STXBP5L: variants seen among roughly 807,000 people sequenced by gnomAD.
STXBP5L encodes syntaxin-binding protein 5-like.
In STXBP5L, 65 loss-of-function variants were observed where a neutral mutation model predicts 144.5. That is an observed-to-expected ratio of 0.45 (90% CI 0.37 to 0.55). STXBP5L has a LOEUF of 0.55. Among genes scored for constraint, STXBP5L ranks in the 20% least tolerant of loss-of-function variants. STXBP5L has a pLI of 0.00. For synonymous variants in STXBP5L, 505 were observed against 469.6 expected, an observed-to-expected ratio of 1.08 and a Z score of -0.97; for missense variants, 1,298 against 1,405.5, an observed-to-expected ratio of 0.92 and a Z score of 1.22.
chr3:121,142,302 A>C (rs1195910764), intron 7 of STXBP5L, among the ~76,000 whole-genome samples: 1 of 152,076 alleles, frequency 6.6e-6, no homozygotes. Context: ...ATAGCAATGC[A>C]ATCATAGTAA....
chr3:121,335,192 AC>A (rs1159530415), intron 20 of STXBP5L, among the ~76,000 whole-genome samples: 3 of 152,146 alleles, frequency 2.0e-5, no homozygotes, highest in Non-Finnish European at 4.4e-5. Flanking sequence ...AATCAAAAAC[AC>A]AATCCCATTC....
intron 19 of STXBP5L, among the ~76,000 whole-genome samples, chr3:121,283,495 A>C (rs1316089133): frequency 1.3e-5 from 2 of 151,916 alleles, no homozygotes; most frequent in Non-Finnish European, 2.9e-5. Context: ...CTGCTCCTAA[A>C]ACAGAAGCTT....
At chr3:121,005,594 C>T (rs1944221696) in intron 3 of STXBP5L, among the ~76,000 whole-genome samples, 1 of 152,058 alleles carries the variant, frequency 6.6e-6, no homozygotes, top group Non-Finnish European at 1.5e-5. Context: ...CTTCTGCTAG[C>T]TTTTGAATGT....
chr3:121,091,591 A>T (rs369611582), intron 5 of STXBP5L, among the ~76,000 whole-genome samples: 3 of 152,158 alleles, frequency 2.0e-5, no homozygotes, highest in African/African-American at 4.8e-5. Flanking sequence ...TGAGAAGTGT[A>T]TGTTCATGTC....
At chr3:121,348,839 C>A (rs951746250) in intron 20 of STXBP5L, among the ~76,000 whole-genome samples, 1 of 151,726 alleles carries the variant, frequency 6.6e-6, no homozygotes, top group Non-Finnish European at 1.5e-5. Flanking sequence ...CTATTTGATT[C>A]TTCTCTCTTT....
At chr3:120,999,184 C>T (rs1234509349) in intron 3 of STXBP5L, among the ~76,000 whole-genome samples, 1 of 152,116 alleles carries the variant, frequency 6.6e-6, no homozygotes, top group Non-Finnish European at 1.5e-5. Context: ...TCCCGAGTAG[C>T]TGGGACTACA....
intron 5 of STXBP5L, among the ~76,000 whole-genome samples, chr3:121,082,539 G>A (rs2042300299): frequency 6.6e-6 from 1 of 152,150 alleles, no homozygotes; most frequent in African/African-American, 2.4e-5. Flanking sequence ...GTACTAATAA[G>A]GGCCAATGCT....
At chr3:121,309,762 A>G (rs910614525) in intron 19 of STXBP5L, among the ~76,000 whole-genome samples, 3 of 152,196 alleles carry the variant, frequency 2.0e-5, no homozygotes, top group Non-Finnish European at 4.4e-5. Context: ...TACCAAATTA[A>G]GCCATATGTT....
chr3:121,130,178 A>T (rs2044911431), intron 7 of STXBP5L, among the ~76,000 whole-genome samples: 1 of 152,110 alleles, frequency 6.6e-6, no homozygotes, highest in Non-Finnish European at 1.5e-5. Context: ...TATAGATCTG[A>T]TAAAACTTAA....
intron 20 of STXBP5L, among the ~76,000 whole-genome samples, chr3:121,342,566 C>A (rs945579718): frequency 3.4e-5 from 5 of 144,986 alleles, no homozygotes; most frequent in Admixed American, 7.4e-5. Flanking sequence ...TCTCATTGTT[C>A]AATTCCACCT....
intron 20 of STXBP5L, among the ~76,000 whole-genome samples, chr3:121,352,390 G>T (rs768360513): frequency 2.0e-5 from 3 of 151,992 alleles, no homozygotes; most frequent in African/African-American, 7.3e-5. Context: ...CCTTGAAGAG[G>T]TCCTTCACAT....
Position 120,909,736 on chromosome 3 carries a change from C to T in STXBP5L, c.158C>T (p.Thr53Ile), listed in dbSNP as rs548331769. The T allele has an allele frequency of 9.3e-6, 15 of 1,611,760 alleles. No individual in the cohort carries two copies. The African/African-American group carries it at 1.9e-4, about 20-fold the overall frequency. Residue 53 changes from threonine (T) to isoleucine (I), a missense_variant, in exon 2 of 27, where the codon ACT becomes ATT. By Grantham distance (89) the Thr-to-Ile change is moderately conservative (BLOSUM62 -1). Transcript: ENST00000471454. ...GTTCTCAGAGAGGAAATTCAGGAAA[C>T]TTTGACTTCGGAGTATTTCCAGATT... Reference protein sequence around the residue: ...AGVLREEIQETLTSEYFQICK... With the variant: ...AGVLREEIQEILTSEYFQICK...
At chr3:120,964,369 G>A (rs1166106034) in intron 3 of STXBP5L, among the ~76,000 whole-genome samples, 2 of 152,096 alleles carry the variant, frequency 1.3e-5, no homozygotes, top group Non-Finnish European at 2.9e-5. Flanking sequence ...TGATGTTAAG[G>A]TGTCGATTTT....
chr3:121,055,428 C>T (rs1430966003), intron 5 of STXBP5L, among the ~76,000 whole-genome samples: 1 of 152,256 alleles, frequency 6.6e-6, no homozygotes, highest in East Asian at 1.9e-4. Flanking sequence ...AGGGCACCTA[C>T]AGTCTTTAGT....
intron 2 of STXBP5L, among the ~76,000 whole-genome samples, chr3:120,918,388 G>A (rs1709206490): frequency 2.0e-5 from 3 of 152,108 alleles, no homozygotes; most frequent in African/African-American, 7.2e-5. Flanking sequence ...TTTGTTTTTT[G>A]AGTTATTTTA....
At chr3:121,354,276 T>A (rs1297999402) in intron 20 of STXBP5L, among the ~76,000 whole-genome samples, 1 of 152,112 alleles carries the variant, frequency 6.6e-6, no homozygotes, top group East Asian at 1.9e-4. Context: ...ATATTGACAG[T>A]GGGGTGTTAA....
chr3:121,278,311 A>G (rs2050946979), intron 18 of STXBP5L, among the ~76,000 whole-genome samples: 1 of 152,038 alleles, frequency 6.6e-6, no homozygotes, highest in Non-Finnish European at 1.5e-5. Context: ...AATTTAAAAT[A>G]GGAGATTAAA....
intron 9 of STXBP5L, among the ~76,000 whole-genome samples, chr3:121,180,615 T>C (rs1216107584): frequency 6.6e-6 from 1 of 152,182 alleles, no homozygotes; most frequent in Non-Finnish European, 1.5e-5. Flanking sequence ...GGCTCAGGCC[T>C]GTAATACCAG....
chr3:121,382,060 T>C lies in STXBP5L; in HGVS notation c.2587+528T>C, dbSNP rs947626108. 1.1e-4 allele frequency among the ~76,000 whole-genome samples: 17 copies of C among 152,154 alleles called. 1 individual carries two copies. ...GAGAATTTGACCAATGTTGTAAGTA[T>C]TGTTGCCAAGCATATGTTGTATTCT... On this transcript the variant is annotated intron_variant, in intron 22 of 26. Coordinates refer to ENST00000471454, the MANE Select transcript of STXBP5L (RefSeq NM_001308330.2).
Sources: gnomAD v4.1 joint callset for allele counts (sites outside exome capture counted in the v4.1 genomes callset) on GRCh38, gnomAD v4.1.1 for gene constraint, MANE v1.5 for transcripts, NCBI Gene and HGNC (gene_info 2026-07-23, HGNC 2026-07-21) for gene names.